The following ADAM12 variants were observed in gnomAD, a reference collection of about 807,000 sequenced individuals.
The protein encoded by ADAM12 is ADAM metallopeptidase domain 12, also known as disintegrin and metalloproteinase domain-containing protein 12.
ADAM12 carries 70 observed loss-of-function variants against 106.4 expected under a neutral mutation model. The observed-to-expected ratio is 0.66, with a 90% CI of 0.54 to 0.80. The LOEUF (loss-of-function observed/expected upper bound fraction) is 0.80, where lower values mean the gene tolerates loss of function less well. ADAM12 is among the 30% of genes least tolerant of loss of function. ADAM12 has a pLI of 0.00. For synonymous variants in ADAM12, 420 were observed against 433.5 expected (o/e 0.97, Z 0.39); for missense variants, 1,010 against 1,171.9 (o/e 0.86, Z 2.02).
At chr10:126,387,917 T>C in intron 1 of ADAM12, 141 bp downstream of exon 1, 3 of 1,076,064 alleles carry the variant, frequency 2.8e-6, no homozygotes, top group Non-Finnish European at 3.4e-6. Flanking sequence ...CTCGCCGCGC[T>C]GGAAGCGCAA....
At chr10:126,156,335 C>T (rs1253577719) in intron 3 of ADAM12, among the ~76,000 whole-genome samples, 1 of 152,200 alleles carries the variant, frequency 6.6e-6, no homozygotes, top group Admixed American at 6.5e-5. Flanking sequence ...AACACTTCAG[C>T]TATGACAGGA....
intron 11 of ADAM12, among the ~76,000 whole-genome samples, chr10:126,089,358 G>T (rs1169781228): frequency 6.6e-6 from 1 of 152,124 alleles, no homozygotes. Context: ...GATGAGCACC[G>T]AGTGTGCTGG....
rs567194026 is a variant in ADAM12, at chr10:126,350,041, C to T, written c.89-19532G>A. ...TCAACTCTGTGATTGCACGTGGACA[C>T]AGCTTCCATCTAAGAGAGAGTTGAG... is the stretch of plus-strand genomic sequence containing the variant. On this transcript the variant is annotated intron_variant, in intron 1 of 22. Transcript: ENST00000448723. Among the ~76,000 whole-genome samples, 257 of 152,302 alleles carry T rather than the reference C, an allele frequency of 1.7e-3. 7 individuals are homozygous for T. The highest frequency in any genetic ancestry group is 9.3e-3 in the South Asian group (45 of 4,830).
intron 1 of ADAM12, among the ~76,000 whole-genome samples, chr10:126,360,288 T>C (rs1304944872): frequency 6.6e-6 from 1 of 152,224 alleles, no homozygotes; most frequent in Non-Finnish European, 1.5e-5. Flanking sequence ...CTTATGCAAA[T>C]TTATGCAGCT....
intron 3 of ADAM12, among the ~76,000 whole-genome samples, chr10:126,208,956 G>C (rs1365468775): frequency 6.6e-6 from 1 of 150,564 alleles, no homozygotes; most frequent in Admixed American, 6.6e-5. Flanking sequence ...ACTTCTTATC[G>C]TAAGAATGTT....
At chr10:126,116,153 A>G (rs987815565) in intron 6 of ADAM12, among the ~76,000 whole-genome samples, 8 of 152,276 alleles carry the variant, frequency 5.3e-5, no homozygotes, top group Non-Finnish European at 1.0e-4. Context: ...CTGTAAGCTA[A>G]AAGAATTAAA....
intron 14 of ADAM12, among the ~76,000 whole-genome samples, chr10:126,061,081 C>G (rs927913555): frequency 6.6e-6 from 1 of 152,234 alleles, no homozygotes; most frequent in Non-Finnish European, 1.5e-5. Context: ...AACCACTATT[C>G]CACGGCAACC....
At chr10:126,269,296 A>C (rs567403074) in intron 3 of ADAM12, among the ~76,000 whole-genome samples, 1 of 152,302 alleles carries the variant, frequency 6.6e-6, no homozygotes, top group East Asian at 1.9e-4. Context: ...CCTGTGACTT[A>C]GAATGCCTTA....
At chr10:126,018,889 T>G (rs1953707909) in intron 22 of ADAM12, among the ~76,000 whole-genome samples, 1 of 152,216 alleles carries the variant, frequency 6.6e-6, no homozygotes, top group Non-Finnish European at 1.5e-5. Flanking sequence ...TCCAGCCGTA[T>G]GCCTCCAACC....
intron 3 of ADAM12, among the ~76,000 whole-genome samples, chr10:126,178,406 A>ATTTTT (rs1426086384): frequency 8.3e-6 from 1 of 120,878 alleles, no homozygotes; most frequent in African/African-American, 3.6e-5. Context: ...ATTGGAGGAC[A>ATTTTT]TCTTTTTTTT....
At chr10:126,126,853 C>T (rs976189323) in intron 5 of ADAM12, among the ~76,000 whole-genome samples, 5 of 150,330 alleles carry the variant, frequency 3.3e-5, no homozygotes, top group Non-Finnish European at 5.9e-5. Flanking sequence ...CTTATAGACT[C>T]GAGGTGTTGT....
At chr10:126,133,489 G>A (rs1956345780) in intron 5 of ADAM12, among the ~76,000 whole-genome samples, 1 of 152,118 alleles carries the variant, frequency 6.6e-6, no homozygotes, top group African/African-American at 2.4e-5. Context: ...GACCAGGCCT[G>A]CCCCACCACC....
At chr10:126,272,922 T>C (rs1959186323) in intron 3 of ADAM12, 2 of 213,188 alleles carry the variant, frequency 9.4e-6, no homozygotes, top group South Asian at 1.3e-4. Context: ...GTTGGGACAA[T>C]GTGGATGAAA....
chr10:126,223,211 T>C (rs181454190), intron 3 of ADAM12, among the ~76,000 whole-genome samples: 3 of 152,364 alleles, frequency 2.0e-5, no homozygotes, highest in Admixed American at 2.0e-4. Flanking sequence ...AAACTTGTGT[T>C]ATTCAATCTA....
rs548749539 is a variant in ADAM12 at position 126,153,638 on chromosome 10, C to T, written c.339+1589G>A. Among the ~76,000 whole-genome samples the T allele has an allele frequency of 2.6e-5, 4 of 152,252 alleles. No homozygotes were observed. The East Asian group carries it at 7.7e-4, about 29-fold the overall frequency. ...TTCTTGTTTCTCTTGTCTGCTGATG[C>T]TTGCGTACAACGGCTTTTTGCATTG... On this transcript the variant is annotated intron_variant, in intron 4 of 22. Transcript: ENST00000448723.
chr10:126,189,307 G>GAGA (rs1457674288), intron 3 of ADAM12, among the ~76,000 whole-genome samples: 1 of 152,202 alleles, frequency 6.6e-6, no homozygotes, highest in Admixed American at 6.5e-5. Context: ...CAGGAATGGG[G>GAGA]AGAAGTTCAG....
Position 126,240,471 on chromosome 10 carries a change from G to C in ADAM12, c.260+38444C>G, listed in dbSNP as rs186484602. ...ACCTACATAAAACGAGTAAACACAC[G>C]ACAAGTGCAGAATCATAAATGAGGA... is the stretch of plus-strand genomic sequence containing the variant. On this transcript the variant is annotated intron_variant, in intron 3 of 22. Coordinates refer to ENST00000448723, the MANE Select transcript of ADAM12 (RefSeq NM_001288973.2). Among the ~76,000 whole-genome samples the C allele has an allele frequency of 6.6e-5, 10 of 152,322 alleles. 1 individual carries two copies. The highest frequency in any genetic ancestry group is 2.6e-4 in the Admixed American group (4 of 15,308).
Position 126,029,571 on chromosome 10 carries a change from G to C in ADAM12, c.2529+6575C>G, listed in dbSNP as rs117984804. On this transcript the variant is annotated intron_variant, in intron 21 of 22. Transcript: ENST00000448723. ...ACATGGACACAATGGGGCAGGGGGA[G>C]GAGGAAAGCATCAGGACGAATAGCT... 2.2e-3 allele frequency among the ~76,000 whole-genome samples: 334 copies of C among 152,040 alleles called. 6 individuals carry two copies. The East Asian group carries it at 0.032, about 15-fold the overall frequency.
chr10:126,260,524 G>A (rs966995921), intron 3 of ADAM12, among the ~76,000 whole-genome samples: 2 of 151,468 alleles, frequency 1.3e-5, no homozygotes, highest in African/African-American at 4.9e-5. Context: ...ACAAAAATAG[G>A]AAGCAAAATA....
Sources: allele counts gnomAD v4.1 joint callset (sites outside exome capture counted in the v4.1 genomes callset), GRCh38; gene constraint gnomAD v4.1.1; transcripts MANE v1.5; gene names NCBI Gene and HGNC (gene_info 2026-07-23, HGNC 2026-07-21).